Variants in CNTN5 observed in about 807,000 individuals in gnomAD.
The protein encoded by CNTN5 is contactin-5.
CNTN5 carries 77 observed loss-of-function variants against 129.1 expected under a neutral mutation model. The observed-to-expected ratio is 0.60, with a 90% CI of 0.50 to 0.72. CNTN5 has a LOEUF of 0.72. Among genes scored for constraint, CNTN5 ranks in the 30% least tolerant of loss-of-function variants. The pLI, the probability that CNTN5 is intolerant of heterozygous loss-of-function variation, is 0.00. For missense variants in CNTN5, 1,478 were observed against 1,328.8 expected (o/e 1.11, Z -1.75); for synonymous variants, 509 against 465.6 (o/e 1.09, Z -1.20).
At chr11:99,248,247 G>T (rs560468823) in intron 1 of CNTN5, among the ~76,000 whole-genome samples, 2,546 of 152,166 alleles carry the variant, frequency 0.017, 82 homozygotes, top group African/African-American at 0.059. Context: ...TCTTTTGGGT[G>T]CGTAAATGTC....
intron 9 of CNTN5, among the ~76,000 whole-genome samples, chr11:100,049,252 G>A (rs1942838619): frequency 6.6e-6 from 1 of 152,000 alleles, no homozygotes; most frequent in Non-Finnish European, 1.5e-5. Flanking sequence ...GGTTTGTAAA[G>A]TATGTAGAAA....
At chr11:99,315,791 G>A (rs917028782) in intron 1 of CNTN5, among the ~76,000 whole-genome samples, 1 of 148,820 alleles carries the variant, frequency 6.7e-6, no homozygotes, top group East Asian at 2.0e-4. Flanking sequence ...GATTACACAG[G>A]GATTGAATAT....
At chr11:99,339,355 T>C (rs935562937) in intron 2 of CNTN5, among the ~76,000 whole-genome samples, 2 of 151,908 alleles carry the variant, frequency 1.3e-5, no homozygotes, top group African/African-American at 4.8e-5. Flanking sequence ...GGTTGGGTGG[T>C]TTTTTGCTTT....
intron 18 of CNTN5, among the ~76,000 whole-genome samples, chr11:100,286,195 G>A (rs535113041): frequency 2.0e-5 from 3 of 152,338 alleles, no homozygotes; most frequent in East Asian, 1.9e-4. Context: ...GCCCGCCATT[G>A]CCCAGGCTTG....
chr11:99,108,505 T>C (rs1857626710), intron 1 of CNTN5, among the ~76,000 whole-genome samples: 1 of 152,170 alleles, frequency 6.6e-6, no homozygotes, highest in African/African-American at 2.4e-5. Context: ...GGAAGTGTAG[T>C]AAATCCCATT....
At chr11:99,201,351 T>TTCCTTCCTTCCTTCTTTCCTTCC (rs59358470) in intron 1 of CNTN5, among the ~76,000 whole-genome samples, 3 of 88,232 alleles carry the variant, frequency 3.4e-5, no homozygotes, top group East Asian at 8.3e-4. Flanking sequence ...CTTCCTTTCC[T>TTCCTTCCTTCCTTCTTTCCTTCC]TTCCTTCCTT....
intron 1 of CNTN5, among the ~76,000 whole-genome samples, chr11:99,037,580 T>A (rs570950074): frequency 1.6e-5 from 2 of 121,630 alleles, no homozygotes; most frequent in African/African-American, 6.8e-5. Flanking sequence ...TCTTTTCTTT[T>A]TTTTTTTTTT....
intron 23 of CNTN5, among the ~76,000 whole-genome samples, chr11:100,347,553 C>A (rs1455511212): frequency 6.6e-6 from 1 of 152,040 alleles, no homozygotes; most frequent in Non-Finnish European, 1.5e-5. Flanking sequence ...ATGAAGCTGA[C>A]TTTTTGGAAA....
intron 1 of CNTN5, among the ~76,000 whole-genome samples, chr11:99,320,174 A>G (rs1306374342): frequency 6.6e-6 from 1 of 152,166 alleles, no homozygotes; most frequent in African/African-American, 2.4e-5. Flanking sequence ...ACCCAGAGGC[A>G]GAGTTTGCAG....
chr11:99,074,357 C>T (rs2135259900), intron 1 of CNTN5, among the ~76,000 whole-genome samples: 1 of 152,194 alleles, frequency 6.6e-6, no homozygotes, highest in African/African-American at 2.4e-5. Context: ...GTTTCCTTTG[C>T]TGAGCAGAAG....
intron 18 of CNTN5, among the ~76,000 whole-genome samples, chr11:100,285,871 G>C (rs1950772157): frequency 6.6e-6 from 1 of 152,206 alleles, no homozygotes; most frequent in Non-Finnish European, 1.5e-5. Flanking sequence ...GGGAGTGCCA[G>C]ACAGTGGGCG....
At chr11:100,130,674 T>A (rs1304928236) in intron 13 of CNTN5, among the ~76,000 whole-genome samples, 1 of 152,038 alleles carries the variant, frequency 6.6e-6, no homozygotes, top group African/African-American at 2.4e-5. Flanking sequence ...AGTTTTTACG[T>A]TGCTCAGGAG....
intron 3 of CNTN5, among the ~76,000 whole-genome samples, chr11:99,613,345 T>C (rs1279131563): frequency 6.6e-6 from 1 of 152,210 alleles, no homozygotes; most frequent in African/African-American, 2.4e-5. Flanking sequence ...GTCTTCTTCC[T>C]GCAGTCTTGG....
chr11:99,306,631 G>A (rs1009072161), intron 1 of CNTN5, among the ~76,000 whole-genome samples: 1 of 151,644 alleles, frequency 6.6e-6, no homozygotes, highest in Admixed American at 6.6e-5. Flanking sequence ...AAATTCAGGA[G>A]GCTGAGGCAG....
chr11:100,266,065 T>G (rs965973736), intron 17 of CNTN5, among the ~76,000 whole-genome samples: 1 of 152,140 alleles, frequency 6.6e-6, no homozygotes, highest in African/African-American at 2.4e-5. Context: ...GTTACATTTT[T>G]CAACTGAACA....
intron 1 of CNTN5, among the ~76,000 whole-genome samples, chr11:99,177,203 C>A (rs1321221534): frequency 6.6e-6 from 1 of 152,152 alleles, no homozygotes; most frequent in Non-Finnish European, 1.5e-5. Flanking sequence ...AAAGCGGTAT[C>A]TTCACTACTC....
chr11:99,174,123 C>T (rs1269568856), intron 1 of CNTN5, among the ~76,000 whole-genome samples: 2 of 152,046 alleles, frequency 1.3e-5, no homozygotes, highest in South Asian at 2.1e-4. Context: ...CTCAGCCTCC[C>T]GAGTAGCTTG....
intron 6 of CNTN5, among the ~76,000 whole-genome samples, chr11:99,885,178 G>A (rs1227631465): frequency 1.3e-5 from 2 of 151,958 alleles, no homozygotes; most frequent in Non-Finnish European, 2.9e-5. Context: ...GCTACTGGGG[G>A]CGCTCAGGTG....
chr11:99,157,670 A>G (rs7936296), intron 1 of CNTN5, among the ~76,000 whole-genome samples: 1,971 of 152,274 alleles, frequency 0.013, 15 homozygotes, highest in Non-Finnish European at 0.016. Context: ...AAAAACTTCC[A>G]TGTCTCTATG....
Sources: gnomAD v4.1 joint callset for allele counts (sites outside exome capture counted in the v4.1 genomes callset) on GRCh38, gnomAD v4.1.1 for gene constraint, MANE v1.5 for transcripts, NCBI Gene and HGNC (gene_info 2026-07-23, HGNC 2026-07-21) for gene names.